Variants in CHD1 observed in about 807,000 individuals in gnomAD.
The protein encoded by CHD1 is chromodomain helicase DNA binding protein 1.
Under a neutral mutation model 224.2 loss-of-function variants are expected in CHD1, and 36 were observed. That is an observed-to-expected ratio of 0.16 (90% CI 0.12 to 0.21). The LOEUF (loss-of-function observed/expected upper bound fraction) is 0.21, where lower values mean the gene tolerates loss of function less well. CHD1 is among the 10% of genes least tolerant of loss of function. The probability of loss-of-function intolerance (pLI) is 1.00; values close to 1 mark genes in which losing one functional copy is unlikely to be tolerated. For missense variants in CHD1, 1,378 were observed against 1,994.8 expected, an observed-to-expected ratio of 0.69 and a Z score of 5.89; for synonymous variants, 668 against 658.3, an observed-to-expected ratio of 1.01 and a Z score of -0.23.
intron 2 of CHD1, among the ~76,000 whole-genome samples, chr5:98,909,144 TA>T: frequency 6.6e-6 from 1 of 152,264 alleles, no homozygotes. Flanking sequence ...AGATATTTAA[TA>T]TTATTAAACA....
At chr5:98,895,389 A>C (rs1023674083) in intron 12 of CHD1, among the ~76,000 whole-genome samples, 6 of 152,202 alleles carry the variant, frequency 3.9e-5, no homozygotes, top group Non-Finnish European at 1.5e-5. Context: ...TAAATTTGTG[A>C]AACTTAAGAA....
At chr5:98,902,796 A>G in intron 5 of CHD1, 104 bp downstream of exon 5, 1 of 632,946 alleles carries the variant, frequency 1.6e-6, no homozygotes, top group East Asian at 2.9e-5. Flanking sequence ...ATGAACTAAG[A>G]ATTTAGAAGA....
intron 14 of CHD1, 65 bp from the exon 15 acceptor site, chr5:98,892,778 CTT>C (rs200379150): frequency 9.4e-6 from 9 of 959,194 alleles, no homozygotes; most frequent in African/African-American, 1.7e-5. Flanking sequence ...TGTGTATGAA[CTT>C]TTTTTTTTAG....
intron 5 of CHD1, among the ~76,000 whole-genome samples, chr5:98,901,741 A>G (rs1305206885): frequency 7.2e-6 from 1 of 138,376 alleles, no homozygotes; most frequent in African/African-American, 2.9e-5. Context: ...TAAGAAACAT[A>G]GAAAAATTAA....
At position 98,882,111 on chromosome 5, in the gene CHD1, G is replaced by A. The variant is rs1209284267; in HGVS notation, c.2731C>T (p.Arg911Cys). 6.2e-7 allele frequency: 1 copy of A among 1,612,044 alleles called. No homozygotes were observed. Among genetic ancestry groups the A allele is most frequent in the Non-Finnish European group, 8.5e-7 (1 of 1,179,390 alleles). ...TCAACTGATCCCTTTGTAACTAGAC[G>A]ATAAATATTCACCTGTAAAAATACA... ...IGQKKQVNIY[R>C]LVTKGSVEED... is the part of the protein sequence containing the mutation. Residue 911 changes from arginine to cysteine, a missense_variant, in exon 20 of 36, where the codon CGT becomes TGT. Around this residue, in one of 16 missense-constraint regions of CHD1, gnomAD observed 57 missense variants for 177.2 expected, o/e 0.32. Coordinates refer to ENST00000614616, the MANE Select transcript of CHD1 (RefSeq NM_001270.4).
At chr5:98,868,114 C>T (rs59325325) in intron 31 of CHD1, among the ~76,000 whole-genome samples, 6,130 of 151,688 alleles carry the variant, frequency 0.04, 328 homozygotes, top group African/African-American at 0.12. Context: ...CTCCCTTTTA[C>T]GCCAAGGAGT....
At chr5:98,927,628 A>T (rs1195923352) in intron 1 of CHD1, among the ~76,000 whole-genome samples, 2 of 152,218 alleles carry the variant, frequency 1.3e-5, no homozygotes, top group African/African-American at 4.8e-5. Flanking sequence ...TCCTAATGTT[A>T]AATATTAATC....
rs530973976 is a variant in CHD1, at chr5:98,868,504, T to C, written c.4239A>G (p.Thr1413=). 1.9e-6 allele frequency: 3 copies of C among 1,608,864 alleles called. No individual in the cohort carries two copies. Among genetic ancestry groups the C allele is most frequent in the African/African-American group, 2.7e-5 (2 of 74,632 alleles). ...AAAGTCTAAGGCTTACAATGCTGAA[T>C]GTCTTCTGATCCAGCTCTTCAGATT... ...SEESEELDQK[T]FSICKERMRP... is the part of the protein sequence containing the mutation. The change falls in exon 31 of 36, where the codon ACA becomes ACG. Residue 1413 remains threonine (T), a synonymous_variant. Transcript: ENST00000614616.
intron 30 of CHD1, chr5:98,869,172 T>C: frequency 1.0e-6 from 1 of 969,578 alleles, no homozygotes; most frequent in Non-Finnish European, 1.2e-6. Flanking sequence ...GCTTCCCTCT[T>C]TTCTTCTGGT....
At chr5:98,860,288 A>G in intron 32 of CHD1, 1 of 497,222 alleles carries the variant, frequency 2.0e-6, no homozygotes, top group African/African-American at 1.9e-5. Flanking sequence ...TTCTCTTCCA[A>G]ATCGCTTCAT....
chr5:98,859,334 A>G (rs1197229453), intron 33 of CHD1, among the ~76,000 whole-genome samples: 1 of 152,130 alleles, frequency 6.6e-6, no homozygotes, highest in East Asian at 1.9e-4. Context: ...TCAAAACCAA[A>G]TAATTAACAT....
intron 7 of CHD1, among the ~76,000 whole-genome samples, chr5:98,899,938 C>T (rs1185914371): frequency 6.6e-6 from 1 of 152,044 alleles, no homozygotes; most frequent in African/African-American, 2.4e-5. Flanking sequence ...GACAGAGATC[C>T]ACCTGAGATC....
chr5:98,873,262 T>G (rs796805573), intron 26 of CHD1, among the ~76,000 whole-genome samples: 9 of 152,300 alleles, frequency 5.9e-5, no homozygotes, highest in African/African-American at 2.2e-4. Context: ...TCATCTATAC[T>G]AAAAAACCTA....
Position 98,923,379 on chromosome 5 carries a change from A to T in CHD1, c.53+2955T>A, listed in dbSNP as rs577061330. Among the ~76,000 whole-genome samples, 136 of 152,234 alleles carry T rather than the reference A, an allele frequency of 8.9e-4. 1 individual carries two copies. Among genetic ancestry groups the T allele is most frequent in the Non-Finnish European group, 1.6e-3 (107 of 68,010 alleles). Reference sequence around the variant, plus strand: ...TTGCAATTATTTAAGATGAGTATGCATTGTAAAAGATTCCTTAAATTTGAT... The same window carrying T: ...TTGCAATTATTTAAGATGAGTATGCTTTGTAAAAGATTCCTTAAATTTGAT... On this transcript the variant is annotated intron_variant, in intron 2 of 35. Transcript: ENST00000614616.
At chr5:98,881,217 C>A (rs937611077) in intron 21 of CHD1, 46 bp from the exon 22 acceptor site, 10 of 1,402,110 alleles carry the variant, frequency 7.1e-6, no homozygotes, top group Non-Finnish European at 9.8e-6. Flanking sequence ...ATCCTTTCAT[C>A]CTGTCAAATA....
Position 98,872,035 on chromosome 5 carries a change from A to T in CHD1, c.3861+16T>A, listed in dbSNP as rs952724011. Reference sequence around the variant, plus strand: ...TTCAACATGAATGGTTAACAGAATCAGAAATAGATAAATACCTTGTGTGTT... The same window carrying T: ...TTCAACATGAATGGTTAACAGAATCTGAAATAGATAAATACCTTGTGTGTT... On this transcript the variant is annotated intron_variant, in intron 28 of 35. Transcript: ENST00000614616. The T allele has an allele frequency of 9.5e-6, 15 of 1,575,266 alleles. No individual in the cohort carries two copies. The highest frequency in any genetic ancestry group is 1.3e-5 in the Non-Finnish European group (15 of 1,158,882).
intron 2 of CHD1, among the ~76,000 whole-genome samples, chr5:98,918,879 T>G (rs1051458445): frequency 6.6e-6 from 1 of 152,180 alleles, no homozygotes; most frequent in African/African-American, 2.4e-5. Context: ...AAGCATGCTA[T>G]GAAAACTTTC....
chr5:98,916,763 T>C (rs1037082420), intron 2 of CHD1, among the ~76,000 whole-genome samples: 3 of 152,002 alleles, frequency 2.0e-5, no homozygotes, highest in African/African-American at 7.3e-5. Context: ...TTAAAAAATG[T>C]GAAATAAACA....
intron 8 of CHD1, among the ~76,000 whole-genome samples, chr5:98,898,999 G>A (rs1040821628): frequency 2.6e-5 from 4 of 152,142 alleles, no homozygotes; most frequent in African/African-American, 9.7e-5. Context: ...GATAGGTTTA[G>A]ATAGGTATAC....
Sources: allele counts gnomAD v4.1 joint callset (sites outside exome capture counted in the v4.1 genomes callset), GRCh38; gene constraint gnomAD v4.1.1; regional missense constraint gnomAD v4.1.1; transcripts MANE v1.5; gene names NCBI Gene and HGNC (gene_info 2026-07-23, HGNC 2026-07-21).